Variants in MMD2 observed in about 807,000 individuals in gnomAD.
The protein encoded by MMD2 is monocyte to macrophage differentiation associated 2, also known as monocyte to macrophage differentiation factor 2.
Under a neutral mutation model 33.5 loss-of-function variants are expected in MMD2, and 30 were observed. That is an observed-to-expected ratio of 0.90 (90% confidence interval 0.67 to 1.22). The LOEUF (loss-of-function observed/expected upper bound fraction) is 1.22. Among genes scored for constraint, MMD2 ranks in the 50% most tolerant of loss-of-function variants. The pLI is 0.00. For synonymous variants in MMD2, 129 were observed against 123.0 expected (o/e 1.05, Z -0.32); for missense variants, 364 against 325.4 (o/e 1.12, Z -0.91).
the MMD2 span, among the ~76,000 whole-genome samples, chr7:4,898,436 A>G: frequency 6.6e-6 from 1 of 152,218 alleles, no homozygotes; most frequent in African/African-American, 2.4e-5. Flanking sequence ...ATGGGTCATA[A>G]CATCATTTGG....
chr7:4,948,203 T>C (rs1786144227), intron 1 of MMD2, among the ~76,000 whole-genome samples: 1 of 152,162 alleles, frequency 6.6e-6, no homozygotes. Flanking sequence ...ATACAAGTGC[T>C]ATGAACTGCA....
intron 1 of MMD2, among the ~76,000 whole-genome samples, chr7:4,951,791 G>T (rs976786264): frequency 1.3e-5 from 2 of 151,938 alleles, no homozygotes; most frequent in Admixed American, 6.6e-5. Context: ...GTACAGACAG[G>T]GTCTTGCTAT....
chr7:4,941,654 T>A (rs1583392915), intron 1 of MMD2, among the ~76,000 whole-genome samples: 1 of 151,782 alleles, frequency 6.6e-6, no homozygotes, highest in East Asian at 2.0e-4. Flanking sequence ...AAGACACTTT[T>A]TTTAAACAGT....
intron 1 of MMD2, among the ~76,000 whole-genome samples, chr7:4,933,300 T>C (rs1386737412): frequency 6.6e-6 from 1 of 152,132 alleles, no homozygotes; most frequent in African/African-American, 2.4e-5. Context: ...AGGTCAAGGC[T>C]ACAGTGAGCC....
chr7:4,949,723 G>A (rs978480819), intron 1 of MMD2, among the ~76,000 whole-genome samples: 1 of 151,980 alleles, frequency 6.6e-6, no homozygotes, highest in African/African-American at 2.4e-5. Context: ...TATTGGCCAG[G>A]ATGGTCTCGA....
chr7:4,910,605 A>C (rs940488748), intron 5 of MMD2, among the ~76,000 whole-genome samples: 1 of 151,700 alleles, frequency 6.6e-6, no homozygotes, highest in Non-Finnish European at 1.5e-5. Flanking sequence ...CCCCGGCCCA[A>C]TGGGGCTAGG....
chr7:4,932,117 G>C (rs543397146), intron 1 of MMD2, among the ~76,000 whole-genome samples: 15 of 152,296 alleles, frequency 9.8e-5, no homozygotes, highest in African/African-American at 3.1e-4. Flanking sequence ...AGCCACATGG[G>C]TCCCAGGGTG....
intron 1 of MMD2, among the ~76,000 whole-genome samples, chr7:4,937,692 G>A (rs1785780631): frequency 6.6e-6 from 1 of 152,116 alleles, no homozygotes; most frequent in Non-Finnish European, 1.5e-5. Flanking sequence ...ATTTTTTGTA[G>A]AGACAGAATC....
chr7:4,929,687 G>A (rs1785525195), intron 1 of MMD2, among the ~76,000 whole-genome samples: 1 of 151,878 alleles, frequency 6.6e-6, no homozygotes. Flanking sequence ...ACCACACTCG[G>A]CTAATTTTTG....
Position 4,911,131 on chromosome 7 carries a change from C to G in MMD2, c.467+14G>C. ...GGGAATCCCGCCTCCCTGAAGCCCC[C>G]AGGCCTGGCTTACCGCTCATGGAAG... On this transcript the variant is annotated intron_variant, in intron 5 of 6. Coordinates refer to ENST00000401401, the MANE Select transcript of MMD2 (RefSeq NM_198403.4). 6.4e-7 allele frequency: 1 copy of G among 1,564,158 alleles called. No homozygotes were observed. The highest frequency in any genetic ancestry group is 8.7e-7 in the Non-Finnish European group (1 of 1,154,358).
chr7:4,902,494 C>A (rs950419145), downstream of MMD2, among the ~76,000 whole-genome samples: 12 of 152,132 alleles, frequency 7.9e-5, no homozygotes, highest in African/African-American at 2.9e-4. Flanking sequence ...CCTTACCCCA[C>A]GGGGGGAGTC....
rs1785879103 is a variant in MMD2 at position 4,940,523 on chromosome 7, G to A, written c.48-14991C>T. 6.6e-6 allele frequency among the ~76,000 whole-genome samples: 1 copy of A among 152,190 alleles called. No individual in the cohort carries two copies. The highest frequency in any genetic ancestry group is 2.4e-5 in the African/African-American group (1 of 41,456). On this transcript the variant is annotated intron_variant, in intron 1 of 6. Coordinates refer to ENST00000401401, the MANE Select transcript of MMD2 (RefSeq NM_198403.4). The surrounding 1 kb of genome is among the most constrained non-coding windows in gnomAD (Gnocchi z 5.0). ...CTGTCCCACAGAGGCAAGGGACCAC[G>A]CAGGGCCAAGTTGGCCCCGGCCGTG...
At chr7:4,952,496 G>A (rs1032639771) in intron 1 of MMD2, among the ~76,000 whole-genome samples, 19 of 152,280 alleles carry the variant, frequency 1.2e-4, no homozygotes, top group African/African-American at 3.6e-4. Flanking sequence ...GCCACTGCCC[G>A]AACCTCCGCC....
chr7:4,915,304 T>G (rs1785111521), intron 4 of MMD2, among the ~76,000 whole-genome samples: 1 of 151,404 alleles, frequency 6.6e-6, no homozygotes, highest in South Asian at 2.1e-4. Context: ...AAAGCTATAT[T>G]AAATAAATTA....
chr7:4,954,780 T>C (rs1382227014), intron 1 of MMD2, among the ~76,000 whole-genome samples: 1 of 152,196 alleles, frequency 6.6e-6, no homozygotes, highest in Non-Finnish European at 1.5e-5. Flanking sequence ...GTACTTTATG[T>C]GCCTTCAGAA....
chr7:4,926,123 G>T (rs1785421107), intron 1 of MMD2, among the ~76,000 whole-genome samples: 1 of 147,748 alleles, frequency 6.8e-6, no homozygotes, highest in Non-Finnish European at 1.5e-5. Context: ...TCTTACACGG[G>T]GTCTCACTCT....
chr7:4,925,359 C>T, intron 2 of MMD2, 92 bp downstream of exon 2: 1 of 1,064,014 alleles, frequency 9.4e-7, no homozygotes, highest in Non-Finnish European at 1.3e-6. Context: ...GAACAGGCCA[C>T]TTAGGACATA....
At chr7:4,911,917 G>A (rs1785024715) in intron 4 of MMD2, among the ~76,000 whole-genome samples, 1 of 151,966 alleles carries the variant, frequency 6.6e-6, no homozygotes, top group African/African-American at 2.4e-5. Flanking sequence ...CAAGTGCTGG[G>A]ATTACAGGCC....
chr7:4,933,547 G>A (rs1248810665), intron 1 of MMD2, among the ~76,000 whole-genome samples: 3 of 151,498 alleles, frequency 2.0e-5, no homozygotes, highest in Non-Finnish European at 2.9e-5. Context: ...CCTCCCTGGT[G>A]TTGCACGTCC....
Sources: gnomAD v4.1 joint callset for allele counts (sites outside exome capture counted in the v4.1 genomes callset) on GRCh38, gnomAD v4.1.1 for gene constraint, Gnocchi (gnomAD v3.1) non-coding constraint, MANE v1.5 for transcripts, NCBI Gene and HGNC (gene_info 2026-07-23, HGNC 2026-07-21) for gene names.